ATG4B: variants seen among roughly 807,000 people sequenced by gnomAD.
ATG4B encodes cysteine protease ATG4B.
In ATG4B, 29 loss-of-function variants were observed where a neutral mutation model predicts 56.6. That is an observed-to-expected ratio of 0.51 (90% CI 0.38 to 0.70). ATG4B has a LOEUF of 0.70. Ranked by LOEUF, ATG4B falls within the 30% of genes least tolerant of loss-of-function variation. The probability of loss-of-function intolerance (pLI) is 0.00; values close to 1 mark genes in which losing one functional copy is unlikely to be tolerated. For missense variants in ATG4B, 461 were observed against 515.5 expected (o/e 0.89, Z 1.02); for synonymous variants, 224 against 206.1 (o/e 1.09, Z -0.74).
At chr2:241,645,125 G>A (rs35667357) in intron 1 of ATG4B, among the ~76,000 whole-genome samples, 15 of 152,156 alleles carry the variant, frequency 9.9e-5, no homozygotes, top group Non-Finnish European at 1.5e-4. Flanking sequence ...GGAGGGGTGA[G>A]TTCTGCTCGG....
In ATG4B at chr2:241,673,433, A is replaced by T. The variant is rs558467192; in HGVS notation, c.*1169A>T. The T allele has an allele frequency of 2.6e-6, 1 of 385,082 alleles. No individual in the cohort carries two copies. The highest frequency in any genetic ancestry group is 2.1e-5 in the African/African-American group (1 of 48,300). 23.9% of individuals were successfully genotyped at this position (385,082 alleles called of 1,614,324 possible). On this transcript the variant is annotated 3_prime_UTR_variant, in exon 13 of 13. Coordinates refer to ENST00000404914, the MANE Select transcript of ATG4B (RefSeq NM_013325.5). ...GAGCGTGGGCACTTTTCTCATGAGC[A>T]GCTACTGCGGCGTTGGCAGGACTCG...
chr2:241,673,043 G>A lies in ATG4B; in HGVS notation c.*779G>A, dbSNP rs1036516555. ...GCAGCTTCCCCAGGTGTGGTGACGG[G>A]GGGGGGGCGGGGCCTCCACCTGTGA... On this transcript the variant is annotated 3_prime_UTR_variant, in exon 13 of 13. Transcript: ENST00000404914. The A allele has an allele frequency of 3.7e-4, 7 of 18,798 alleles. No individual in the cohort carries two copies. Among genetic ancestry groups the A allele is most frequent in the African/African-American group, 8.7e-4 (2 of 2,298 alleles). 1.2% of individuals were successfully genotyped at this position (18,798 alleles called of 1,614,324 possible).
At chr2:241,669,668 T>C in intron 10 of ATG4B, among the ~76,000 whole-genome samples, 1 of 152,142 alleles carries the variant, frequency 6.6e-6, no homozygotes, top group East Asian at 1.9e-4. Flanking sequence ...CCACCACGCC[T>C]GGCTAATTTT....
chr2:241,637,732 G>A lies in ATG4B; in HGVS notation c.10+8G>A, dbSNP rs774543690. On this transcript the variant is annotated splice_region_variant and intron_variant, in intron 1 of 12. Coordinates refer to ENST00000404914, the MANE Select transcript of ATG4B (RefSeq NM_013325.5). ...CTGGGAAGATGGACGCAGGTGAGGA[G>A]TTGCCGGGGGTCGGTCTTTCCGCAG... The A allele has an allele frequency of 6.3e-7, 1 of 1,575,460 alleles. No homozygotes were observed. The highest frequency in any genetic ancestry group is 1.1e-5 in the South Asian group (1 of 87,568).
Position 241,672,201 on chromosome 2 carries a change from T to C in ATG4B, c.1119T>C (p.Asp373=), listed in dbSNP as rs1002117902. 13 of 1,581,974 alleles carry C rather than the reference T, an allele frequency of 8.2e-6. No individual in the cohort carries two copies. The Admixed American group carries it at 1.6e-4, about 20-fold the overall frequency. The change falls in exon 13 of 13, where the codon GAT becomes GAC. Residue 373 remains aspartate, a synonymous_variant. Coordinates refer to ENST00000404914, the MANE Select transcript of ATG4B (RefSeq NM_013325.5). Reference sequence around the variant, plus strand: ...TCCTGTTCCTTCTAGATTCTTCTGATGTAGAGCGACTGGAAAGATTCTTCG... The same window carrying C: ...TCCTGTTCCTTCTAGATTCTTCTGACGTAGAGCGACTGGAAAGATTCTTCG... ...DVLNLSLDSS[D]VERLERFFDS...
rs1040357176 is a variant in ATG4B at position 241,671,187 on chromosome 2, C to CT, written c.1015-124dup. 2.8e-5 allele frequency: 23 copies of CT among 825,184 alleles called. No individual in the cohort carries two copies. The African/African-American group carries it at 3.9e-4, about 14-fold the overall frequency. 51.1% of individuals were successfully genotyped at this position (825,184 alleles called of 1,614,324 possible). Reference sequence around the variant, plus strand: ...TGTAGCCTTTAGTGTGGAGCTGCCTCTGTTTTCTCATCAGTGAGATGGGAT... The same window carrying CT: ...TGTAGCCTTTAGTGTGGAGCTGCCTCTTGTTTTCTCATCAGTGAGATGGGAT... On this transcript the variant is annotated intron_variant, in intron 11 of 12. Coordinates refer to ENST00000404914, the MANE Select transcript of ATG4B (RefSeq NM_013325.5).
Position 241,671,306 on chromosome 2 carries a change from T to G in ATG4B, c.1015-6T>G. On this transcript the variant is annotated splice_region_variant and splice_polypyrimidine_tract_variant and intron_variant, in intron 11 of 12. Coordinates refer to ENST00000404914, the MANE Select transcript of ATG4B (RefSeq NM_013325.5). ...GCTGCACCTAACGGCCATGTCTCAC[T>G]AACAGCTGTCTCTGCTTGGAGGTGC... 6.2e-7 allele frequency: 1 copy of G among 1,611,600 alleles called. No individual in the cohort carries two copies. Among genetic ancestry groups the G allele is most frequent in the Non-Finnish European group, 8.5e-7 (1 of 1,178,918 alleles).
chr2:241,661,578 C>G (rs1392218608), intron 7 of ATG4B, among the ~76,000 whole-genome samples: 1 of 152,236 alleles, frequency 6.6e-6, no homozygotes, highest in Non-Finnish European at 1.5e-5. Flanking sequence ...TTTCTCGGAA[C>G]TGCTTGTGGA....
At chr2:241,671,654 C>T (rs575672194) in intron 12 of ATG4B, 13 of 1,439,802 alleles carry the variant, frequency 9.0e-6, no homozygotes, top group South Asian at 1.3e-5. Context: ...TGGAGCTGGG[C>T]GTGCTACCAT....
intron 10 of ATG4B, among the ~76,000 whole-genome samples, chr2:241,669,497 T>A (rs2068889129): frequency 7.4e-6 from 1 of 135,356 alleles, no homozygotes; most frequent in Non-Finnish European, 1.7e-5. Flanking sequence ...GCTCTGTGGC[T>A]CACACTTTTT....
intron 12 of ATG4B, 79 bp downstream of exon 12, chr2:241,671,484 T>C (rs1226664858): frequency 6.4e-7 from 1 of 1,570,178 alleles, no homozygotes; most frequent in African/African-American, 1.4e-5. Flanking sequence ...GCCCCCTTGG[T>C]TTTGACCATT....
chr2:241,661,118 G>A (rs1431676072), intron 7 of ATG4B, among the ~76,000 whole-genome samples: 1 of 152,228 alleles, frequency 6.6e-6, no homozygotes, highest in Non-Finnish European at 1.5e-5. Flanking sequence ...TCAGGTCCTG[G>A]AAGAGCTTGA....
At position 241,660,908 on chromosome 2, in the gene ATG4B, G is replaced by A. The variant is rs377320753; in HGVS notation, c.538+1721G>A. Among the ~76,000 whole-genome samples, 8 of 152,330 alleles carry A rather than the reference G, an allele frequency of 5.3e-5. No homozygotes were observed. The East Asian group carries it at 1.4e-3, about 26-fold the overall frequency. On this transcript the variant is annotated intron_variant, in intron 7 of 12. Transcript: ENST00000404914. ...CCTCAGTCCCTGGCCTCGGATTAGG[G>A]AGGCTGTTGCTGGGTGCAGTGGCCA... is the stretch of plus-strand genomic sequence containing the variant.
chr2:241,668,233 G>T lies in ATG4B; in HGVS notation c.811+12G>T, dbSNP rs759665152. On this transcript the variant is annotated intron_variant, in intron 9 of 12. Coordinates refer to ENST00000404914, the MANE Select transcript of ATG4B (RefSeq NM_013325.5). The surrounding 1 kb of genome is among the most constrained non-coding windows in gnomAD (Gnocchi z 4.2). ...CATCGGCTACGTTGGTGAGTCCAGG[G>T]TTCCCACCGTGTCCCTGTGGGCCTG... 6.3e-7 allele frequency: 1 copy of T among 1,589,284 alleles called. No homozygotes were observed. The highest frequency in any genetic ancestry group is 1.8e-5 in the Admixed American group (1 of 56,774).
At chr2:241,643,658 A>ACGTGTGTGTG (rs1465098074) in intron 1 of ATG4B, among the ~76,000 whole-genome samples, 3 of 86,042 alleles carry the variant, frequency 3.5e-5, no homozygotes, top group African/African-American at 6.6e-5. Context: ...ATAAATATAT[A>ACGTGTGTGTG]TATACGTGTG....
Position 241,667,512 on chromosome 2 carries a change from G to T in ATG4B, c.733-631G>T, listed in dbSNP as rs568963502. On this transcript the variant is annotated intron_variant, in intron 8 of 12. Coordinates refer to ENST00000404914, the MANE Select transcript of ATG4B (RefSeq NM_013325.5). ...CCAGCTACACAGGAGGCTGAGGCAG[G>T]AGAATCTCTTGAACCCAGGAGGCGG... Among the ~76,000 whole-genome samples, 13 of 151,756 alleles carry T rather than the reference G, an allele frequency of 8.6e-5. No homozygotes were observed. The East Asian group carries it at 2.5e-3, about 30-fold the overall frequency.
intron 1 of ATG4B, among the ~76,000 whole-genome samples, chr2:241,646,611 C>T (rs1265264945): frequency 6.6e-6 from 1 of 152,118 alleles, no homozygotes; most frequent in Admixed American, 6.6e-5. Context: ...CTCGAGATGC[C>T]AGATAGCTCC....
At chr2:241,642,118 C>T (rs1367805242) in intron 1 of ATG4B, among the ~76,000 whole-genome samples, 2 of 150,542 alleles carry the variant, frequency 1.3e-5, no homozygotes, top group South Asian at 2.1e-4. Context: ...TAACATAAAT[C>T]CAGTATGTTA....
chr2:241,646,773 ATTCAATGCTTTT>A (rs1271277780), intron 1 of ATG4B, among the ~76,000 whole-genome samples: 2 of 138,408 alleles, frequency 1.4e-5, no homozygotes, highest in African/African-American at 2.8e-5. Flanking sequence ...GATTACGTGT[ATTCAATGCTTTT>A]TTTTTTTTTT....
Sources: gnomAD v4.1 joint callset for allele counts (sites outside exome capture counted in the v4.1 genomes callset) on GRCh38, gnomAD v4.1.1 for gene constraint, Gnocchi (gnomAD v3.1) non-coding constraint, MANE v1.5 for transcripts, NCBI Gene and HGNC (gene_info 2026-07-23, HGNC 2026-07-21) for gene names.